Variants in FBH1 observed in about 807,000 individuals in gnomAD.
FBH1 encodes the protein DNA 3'-5' helicase 1.
In FBH1, 43 loss-of-function variants were observed where a neutral mutation model predicts 115.5. That is an observed-to-expected ratio of 0.37 (90% CI 0.29 to 0.48). The LOEUF is 0.48. Among genes scored for constraint, FBH1 ranks in the 20% least tolerant of loss-of-function variants. The pLI is 0.99. For synonymous variants in FBH1, 524 were observed against 507.8 expected (o/e 1.03, Z -0.43); for missense variants, 1,001 against 1,337.3 (o/e 0.75, Z 3.92).
chr10:5,907,665 G>C (rs545202519), intron 3 of FBH1, among the ~76,000 whole-genome samples: 1 of 151,774 alleles, frequency 6.6e-6, no homozygotes, highest in African/African-American at 2.4e-5. Flanking sequence ...GGAGAGATAG[G>C]GTTTCACCAT....
At position 5,909,412 on chromosome 10, in the gene FBH1, CTGAA is replaced by C; in HGVS notation, c.1020+121_1020+124del. ...TATTTTTAATGTCTGTATTTAATCTCTGAATGCTTTGAAGCATTCATGTTGTCAT... is the reference window on the plus strand; with the variant it reads ...TATTTTTAATGTCTGTATTTAATCTCTGCTTTGAAGCATTCATGTTGTCAT... On this transcript the variant is annotated intron_variant, in intron 5 of 20. Coordinates refer to ENST00000362091, the MANE Select transcript of FBH1 (RefSeq NM_178150.3). This position sits in a 1 kb window ranked among gnomAD's most constrained non-coding sequence, Gnocchi z 4.4. The C allele has an allele frequency of 4.1e-6, 5 of 1,217,450 alleles. No homozygotes were observed. Among genetic ancestry groups the C allele is most frequent in the Non-Finnish European group, 5.6e-6 (5 of 897,890 alleles). 75.4% of individuals were successfully genotyped at this position (1,217,450 alleles called of 1,614,324 possible). A position where few individuals can be genotyped will look rare whatever the true frequency, so the allele number is the denominator to read the frequency against.
chr10:5,909,004 C>T lies in FBH1; in HGVS notation c.833C>T (p.Ser278Phe). Residue 278 changes from serine to phenylalanine, a missense_variant, in exon 4 of 21, where the codon TCT becomes TTT. Physicochemically the swap from Ser to Phe is radical, Grantham distance 155 (BLOSUM62 -2). Transcript: ENST00000362091. This position sits in a 1 kb window ranked among gnomAD's most constrained non-coding sequence, Gnocchi z 4.4. Reference sequence around the variant, plus strand: ...GTCAGCAAAGTGGACGGCATCCTGTCTAACTGTGGCATAGAAAAGGAGTCA... The same window carrying T: ...GTCAGCAAAGTGGACGGCATCCTGTTTAACTGTGGCATAGAAAAGGAGTCA... ...QAVSKVDGIL[S>F]NCGIEKESDL... The T allele has an allele frequency of 6.2e-7, 1 of 1,614,198 alleles. No homozygotes were observed. Among genetic ancestry groups the T allele is most frequent in the South Asian group, 1.1e-5 (1 of 91,088 alleles).
chr10:5,911,217 T>C lies in FBH1; in HGVS notation c.1211+89T>C. On this transcript the variant is annotated intron_variant, in intron 6 of 20. Coordinates refer to ENST00000362091, the MANE Select transcript of FBH1 (RefSeq NM_178150.3). This position sits in a 1 kb window ranked among gnomAD's most constrained non-coding sequence, Gnocchi z 5.4. Reference sequence around the variant, plus strand: ...GGTCCAGCCCTGCCACTTAGCAGTGTTAGCACCTGGCAGGCTGTGGGACCC... The same window carrying C: ...GGTCCAGCCCTGCCACTTAGCAGTGCTAGCACCTGGCAGGCTGTGGGACCC... 1 of 1,341,004 alleles carries C rather than the reference T, an allele frequency of 7.5e-7. No homozygotes were observed. The highest frequency in any genetic ancestry group is 1.4e-5 in the South Asian group (1 of 73,260). 83.1% of individuals were successfully genotyped at this position (1,341,004 alleles called of 1,614,324 possible). A position where few individuals can be genotyped will look rare whatever the true frequency, so the allele number is the denominator to read the frequency against.
chr10:5,910,608 C>G lies in FBH1; in HGVS notation c.1021-330C>G, dbSNP rs1440516804. 6.6e-6 allele frequency among the ~76,000 whole-genome samples: 1 copy of G among 152,064 alleles called. No individual in the cohort carries two copies. Among genetic ancestry groups the G allele is most frequent in the African/African-American group, 2.4e-5 (1 of 41,396 alleles). ...CAAGCACATATGGACCTGAGAGCCCCCATGGCCTGGAGAGTAGGGTGGGGA... is the reference window on the plus strand; with the variant it reads ...CAAGCACATATGGACCTGAGAGCCCGCATGGCCTGGAGAGTAGGGTGGGGA... On this transcript the variant is annotated intron_variant, in intron 5 of 20. Transcript: ENST00000362091. The surrounding 1 kb of genome is among the most constrained non-coding windows in gnomAD (Gnocchi z 4.8).
Position 5,932,775 on chromosome 10 carries a change from C to T in FBH1, c.2830-3681C>T, listed in dbSNP as rs191601279. Among the ~76,000 whole-genome samples the T allele has an allele frequency of 5.4e-4, 82 of 152,182 alleles. No homozygotes were observed. The highest frequency in any genetic ancestry group is 1.6e-3 in the African/African-American group (66 of 41,532). On this transcript the variant is annotated intron_variant, in intron 19 of 20. Transcript: ENST00000362091. This position sits in a 1 kb window ranked among gnomAD's most constrained non-coding sequence, Gnocchi z 5.9. ...CTCTGTCACCCAGGCTGGAATATGG[C>T]GGCACAATCTTGGCCCACTGCAACC...
chr10:5,906,441 G>A lies in FBH1; in HGVS notation c.562G>A (p.Gly188Ser), dbSNP rs768195671. Residue 188 changes from glycine (G) to serine (S), a missense_variant, in exon 3 of 21, where the codon GGT becomes AGT. Gly to Ser is a moderately conservative substitution (Grantham distance 56). This residue lies in a region of FBH1 where 420 missense variants were observed against 430.4 expected (regional missense o/e 0.98). Coordinates refer to ENST00000362091, the MANE Select transcript of FBH1 (RefSeq NM_178150.3). This position sits in a 1 kb window ranked among gnomAD's most constrained non-coding sequence, Gnocchi z 7.3. ...GETDQDAGDV[G>S]PDPIPDSYYG... ...AACCGACCAAGATGCTGGGGACGTG[G>A]GTCCTGATCCCATTCCTGACTCATA... 6.2e-7 allele frequency: 1 copy of A among 1,614,202 alleles called. No individual in the cohort carries two copies. The highest frequency in any genetic ancestry group is 1.1e-5 in the South Asian group (1 of 91,084).
chr10:5,898,231 C>A (rs1014733338), intron 1 of FBH1, among the ~76,000 whole-genome samples: 1 of 152,168 alleles, frequency 6.6e-6, no homozygotes, highest in South Asian at 2.1e-4. Flanking sequence ...AGTCTAAGAT[C>A]GAGGTGCCAG....
rs749173786 is a variant in FBH1, at chr10:5,917,404, A to G, written c.1789-16A>G. The G allele has an allele frequency of 3.1e-6, 5 of 1,612,052 alleles. No homozygotes were observed. The highest frequency in any genetic ancestry group is 4.2e-6 in the Non-Finnish European group (5 of 1,178,484). ...AGGGTCTCAAACTCTGGGTTACCAT[A>G]TGCTTTACTTCCTAGAATGGTGTCC... On this transcript the variant is annotated splice_polypyrimidine_tract_variant and intron_variant, in intron 10 of 20. Coordinates refer to ENST00000362091, the MANE Select transcript of FBH1 (RefSeq NM_178150.3). The surrounding 1 kb of genome is among the most constrained non-coding windows in gnomAD (Gnocchi z 5.6).
In FBH1 at chr10:5,906,256, C is replaced by T. The variant is rs1211229439; in HGVS notation, c.377C>T (p.Ser126Phe). Residue 126 changes from serine (S) to phenylalanine (F), a missense_variant, in exon 3 of 21, where the codon TCC becomes TTC. Transcript: ENST00000362091. The surrounding 1 kb of genome is among the most constrained non-coding windows in gnomAD (Gnocchi z 7.3). ...SAPPSRKRSWSSEEESNQATG... is the reference protein window; with the variant it reads ...SAPPSRKRSWFSEEESNQATG... ...CCGCCCTCCAGGAAGCGGTCTTGGT[C>T]CTCTGAGGAAGAGAGTAACCAGGCT... 6.2e-7 allele frequency: 1 copy of T among 1,614,140 alleles called. No homozygotes were observed. Among genetic ancestry groups the T allele is most frequent in the South Asian group, 1.1e-5 (1 of 91,068 alleles).
In FBH1 at chr10:5,914,010, C is replaced by T. The variant is rs1019658943; in HGVS notation, c.1305-168C>T. On this transcript the variant is annotated intron_variant, in intron 7 of 20. Transcript: ENST00000362091. The surrounding 1 kb of genome is among the most constrained non-coding windows in gnomAD (Gnocchi z 5.2). ...ATTCAGTGACATTGCCTGAGCTGTG[C>T]ATCAGCATCATAATCTAGCTTTAGA... Among the ~76,000 whole-genome samples the T allele has an allele frequency of 2.6e-5, 4 of 152,210 alleles. No individual in the cohort carries two copies. The highest frequency in any genetic ancestry group is 4.8e-5 in the African/African-American group (2 of 41,448).
chr10:5,936,090 C>T lies in FBH1; in HGVS notation c.2830-366C>T, dbSNP rs971089326. 2 of 170,198 alleles carry T rather than the reference C, an allele frequency of 1.2e-5. No individual in the cohort carries two copies. The highest frequency in any genetic ancestry group is 2.6e-5 in the Non-Finnish European group (2 of 77,016). The allele number at this position is 170,198 out of a possible 1,614,324, so 10.5% of individuals were successfully genotyped here. The stretch of plus-strand genomic sequence containing the variant: ...TTGGGGCAAGTTTTCTTCATGTCCT[C>T]TGTGTTGCCTGCCTGGCTTATAATG... On this transcript the variant is annotated intron_variant, in intron 19 of 20. Coordinates refer to ENST00000362091, the MANE Select transcript of FBH1 (RefSeq NM_178150.3). The surrounding 1 kb of genome is among the most constrained non-coding windows in gnomAD (Gnocchi z 5.6).
Position 5,917,237 on chromosome 10 carries a change from A to T in FBH1, c.1789-183A>T, listed in dbSNP as rs1832021003. 3.3e-6 allele frequency: 2 copies of T among 603,870 alleles called. No individual in the cohort carries two copies. The highest frequency in any genetic ancestry group is 6.0e-6 in the Non-Finnish European group (2 of 334,310). 37.4% of individuals were successfully genotyped at this position (603,870 alleles called of 1,614,324 possible). On this transcript the variant is annotated intron_variant, in intron 10 of 20. Transcript: ENST00000362091. This position sits in a 1 kb window ranked among gnomAD's most constrained non-coding sequence, Gnocchi z 5.6. ...CGGCCCGGCTGCTTCCTGTCTCAGCACTGGAGACCCTCTGGCGTGGAGAGG... is the reference window on the plus strand; with the variant it reads ...CGGCCCGGCTGCTTCCTGTCTCAGCTCTGGAGACCCTCTGGCGTGGAGAGG...
chr10:5,891,174 T>C, intron 1 of FBH1: 1 of 985,922 alleles, frequency 1.0e-6, no homozygotes, highest in Non-Finnish European at 1.2e-6. Flanking sequence ...CGCCAGCGTC[T>C]GCCGCTGTGG....
rs1406292613 is a variant in FBH1, at chr10:5,895,646, G to A, written c.1+5300G>A. On this transcript the variant is annotated intron_variant, in intron 1 of 20. Coordinates refer to ENST00000362091, the MANE Select transcript of FBH1 (RefSeq NM_178150.3). This position sits in a 1 kb window ranked among gnomAD's most constrained non-coding sequence, Gnocchi z 5.0. ...AAGGAGGCTACAGGTCATGGTGGTG[G>A]TTGGAGTTTGTGTGTGTAGGTGTGG... Among the ~76,000 whole-genome samples the A allele has an allele frequency of 2.0e-5, 3 of 152,202 alleles. No homozygotes were observed. Among genetic ancestry groups the A allele is most frequent in the Admixed American group, 2.0e-4 (3 of 15,288 alleles).
intron 3 of FBH1, among the ~76,000 whole-genome samples, chr10:5,908,270 T>C (rs1258761892): frequency 6.6e-6 from 1 of 152,244 alleles, no homozygotes; most frequent in Non-Finnish European, 1.5e-5. Flanking sequence ...CCTTCGTCTC[T>C]TATAACAGTA....
intron 3 of FBH1, among the ~76,000 whole-genome samples, chr10:5,907,245 G>A (rs573552982): frequency 7.9e-5 from 12 of 152,212 alleles, no homozygotes; most frequent in East Asian, 1.9e-4. Context: ...GGTTACAGGC[G>A]TGAGCCACCA....
chr10:5,893,996 G>C (rs527824386), intron 1 of FBH1: 1 of 985,392 alleles, frequency 1.0e-6, no homozygotes, highest in South Asian at 4.7e-5. Context: ...AGAACGGAAA[G>C]CCCAGCCCAT....
Position 5,918,231 on chromosome 10 carries a change from T to TGA in FBH1, c.1964-109_1964-108dup. The TGA allele has an allele frequency of 1.5e-6, 2 of 1,332,890 alleles. No individual in the cohort carries two copies. Among genetic ancestry groups the TGA allele is most frequent in the Non-Finnish European group, 2.1e-6 (2 of 969,510 alleles). The allele number at this position is 1,332,890 out of a possible 1,614,324, so 82.6% of individuals were successfully genotyped here. The stretch of plus-strand genomic sequence containing the variant: ...CCTGTCCTACAGGAAAAGGCGACCG[T>TGA]GAGGTCCAGTGTGCCCTGGCTTAGC... On this transcript the variant is annotated intron_variant, in intron 12 of 20. Transcript: ENST00000362091. The surrounding 1 kb of genome is among the most constrained non-coding windows in gnomAD (Gnocchi z 4.0).
In FBH1 at chr10:5,906,180, T is replaced by C; in HGVS notation, c.301T>C (p.Cys101Arg). The change falls in exon 3 of 21, where the codon TGT becomes CGT. Residue 101 changes from cysteine (C) to arginine (R), a missense_variant. Physicochemically the swap from Cys to Arg is radical, Grantham distance 180. Around this residue, in one of 4 missense-constraint regions of FBH1, gnomAD observed 420 missense variants for 430.4 expected, o/e 0.98. Transcript: ENST00000362091. This position sits in a 1 kb window ranked among gnomAD's most constrained non-coding sequence, Gnocchi z 7.3. Reference protein sequence around the residue: ...GDMIFPAESSCALPQEGSAGP... With the variant: ...GDMIFPAESSRALPQEGSAGP... ...CATGATCTTTCCTGCAGAGAGCAGCTGTGCACTGCCTCAGGAAGGCAGTGC... is the reference window on the plus strand; with the variant it reads ...CATGATCTTTCCTGCAGAGAGCAGCCGTGCACTGCCTCAGGAAGGCAGTGC... The C allele has an allele frequency of 1.2e-6, 2 of 1,614,196 alleles. No individual in the cohort carries two copies. Among genetic ancestry groups the C allele is most frequent in the Non-Finnish European group, 1.7e-6 (2 of 1,180,026 alleles).
Sources: gnomAD v4.1 joint callset for allele counts (sites outside exome capture counted in the v4.1 genomes callset) on GRCh38, gnomAD v4.1.1 for gene constraint, gnomAD v4.1.1 regional missense constraint, Gnocchi (gnomAD v3.1) non-coding constraint, MANE v1.5 for transcripts, NCBI Gene and HGNC (gene_info 2026-07-23, HGNC 2026-07-21) for gene names.